Variants in GLT6D1 observed in about 807,000 individuals in gnomAD.
GLT6D1 encodes putative glycosyltransferase 6 domain-containing protein 1.
In GLT6D1, 9 loss-of-function variants were observed where a neutral mutation model predicts 12.3. That is an observed-to-expected ratio of 0.73 (90% CI 0.44 to 1.27). The LOEUF (loss-of-function observed/expected upper bound fraction) is 1.27. GLT6D1 is among the 50% of genes most tolerant of loss of function. The pLI, the probability that GLT6D1 is intolerant of heterozygous loss-of-function variation, is 0.00. For synonymous variants in GLT6D1, 128 were observed against 132.3 expected (o/e 0.97, Z 0.23); for missense variants, 335 against 346.2 (o/e 0.97, Z 0.26).
At chr9:135,634,371 G>A (rs564539703) in intron 2 of GLT6D1, among the ~76,000 whole-genome samples, 3 of 144,228 alleles carry the variant, frequency 2.1e-5, no homozygotes, top group African/African-American at 2.6e-5. Flanking sequence ...CAAGTGATCC[G>A]CCCGCCTCTG....
intron 2 of GLT6D1, among the ~76,000 whole-genome samples, chr9:135,635,235 G>A (rs548317956): frequency 2.0e-5 from 3 of 152,242 alleles, no homozygotes; most frequent in East Asian, 1.9e-4. Flanking sequence ...TGCTCAAAAG[G>A]CTTCAGCTTT....
chr9:135,636,918 TCTC>T (rs1292213916), intron 2 of GLT6D1, among the ~76,000 whole-genome samples: 4 of 152,094 alleles, frequency 2.6e-5, no homozygotes, highest in African/African-American at 9.7e-5. Flanking sequence ...GATGGCGTGA[TCTC>T]AGCTCACCGC....
intron 2 of GLT6D1, among the ~76,000 whole-genome samples, chr9:135,634,415 AC>A (rs1385738705): frequency 2.3e-5 from 3 of 132,514 alleles, no homozygotes; most frequent in Non-Finnish European, 4.7e-5. Context: ...GGCGTAAGCC[AC>A]CATGCCTGGC....
At chr9:135,633,535 A>G (rs946861598) in intron 2 of GLT6D1, among the ~76,000 whole-genome samples, 9 of 152,174 alleles carry the variant, frequency 5.9e-5, no homozygotes, top group Admixed American at 2.6e-4. Flanking sequence ...GACTACAGGT[A>G]TGAGCTACCA....
Position 135,624,271 on chromosome 9 carries a change from C to T in GLT6D1, c.657G>A (p.Pro219=), listed in dbSNP as rs201383603. The change falls in exon 5 of 5, where the codon CCG becomes CCA. Residue 219 remains proline, a synonymous_variant. Coordinates refer to ENST00000371763, the MANE Select transcript of GLT6D1 (RefSeq NM_182974.3). ...ERRPTSAACI[P]FGQGDFYYGN... ...CATAATAGAAATCTCCCTGTCCAAA[C>T]GGGATGCAAGCTGCTGAGGTCGGCC... 2.3e-5 allele frequency: 37 copies of T among 1,603,862 alleles called. 1 individual carries two copies. The highest frequency in any genetic ancestry group is 4.5e-5 in the South Asian group (4 of 89,144).
chr9:135,640,505 G>A (rs746581065), upstream of GLT6D1, among the ~76,000 whole-genome samples: 1 of 152,034 alleles, frequency 6.6e-6, no homozygotes, highest in African/African-American at 2.4e-5. Flanking sequence ...AGGATCACGA[G>A]GTCAGGAGTT....
intron 4 of GLT6D1, among the ~76,000 whole-genome samples, chr9:135,625,374 T>C (rs1320828177): frequency 1.3e-5 from 2 of 152,144 alleles, no homozygotes; most frequent in South Asian, 4.1e-4. Context: ...ATCGTGTCTA[T>C]AGTAGACCAT....
intron 2 of GLT6D1, among the ~76,000 whole-genome samples, chr9:135,635,966 ATTG>A (rs1423935875): frequency 6.7e-6 from 1 of 150,226 alleles, no homozygotes; most frequent in Non-Finnish European, 1.5e-5. Context: ...CAGCAGCAGA[ATTG>A]TTAACTCATA....
chr9:135,629,777 C>A (rs867175570), intron 3 of GLT6D1, among the ~76,000 whole-genome samples: 3 of 152,108 alleles, frequency 2.0e-5, no homozygotes, highest in African/African-American at 7.2e-5. Flanking sequence ...TTATTAGATG[C>A]AAATGTTTAT....
At chr9:135,639,842 C>T (rs1340542834), upstream of GLT6D1, among the ~76,000 whole-genome samples, 3 of 126,816 alleles carry the variant, frequency 2.4e-5, no homozygotes, top group Non-Finnish European at 5.1e-5. Flanking sequence ...CTGATTTTCA[C>T]TTTTTTTTTT....
chr9:135,624,737 T>TC lies in GLT6D1; in HGVS notation c.258-68_258-67insG, dbSNP rs1833461812. 6 of 706,174 alleles carry TC rather than the reference T, an allele frequency of 8.5e-6. No individual in the cohort carries two copies. The Admixed American group carries it at 1.5e-4, about 18-fold the overall frequency. The allele number at this position is 706,174 out of a possible 1,614,324, so 43.7% of individuals were successfully genotyped here. A position where few individuals can be genotyped will look rare whatever the true frequency, so the allele number is the denominator to read the frequency against. On this transcript the variant is annotated intron_variant, in intron 4 of 4. Transcript: ENST00000371763. ...TTTCTTTTCTTTCTTTTTTTTTTTT[T>TC]TTTTTTTTTTGAGATGGAGTCTCCC...
At chr9:135,630,264 G>C (rs1036143465) in intron 3 of GLT6D1, among the ~76,000 whole-genome samples, 1 of 151,902 alleles carries the variant, frequency 6.6e-6, no homozygotes, top group African/African-American at 2.4e-5. Context: ...AAATTAGCCA[G>C]GCGTGGTGGC....
chr9:135,624,855 A>G (rs539639259), intron 4 of GLT6D1, among the ~76,000 whole-genome samples, 185 bp from the exon 5 acceptor site: 34 of 146,356 alleles, frequency 2.3e-4, no homozygotes, highest in African/African-American at 8.4e-4. Context: ...TCAGCCTCCC[A>G]AGTAGCTGGG....
rs1833423175 is a variant in GLT6D1, at chr9:135,624,102, T to C, written c.826A>G (p.Thr276Ala). Residue 276 changes from threonine (T) to alanine (A), a missense_variant, in exon 5 of 5, where the codon ACC becomes GCC. By Grantham distance (58) the Thr-to-Ala change is moderately conservative. Transcript: ENST00000371763. ...CTGTATGCTGGTGATAACAGCTAGG[T>C]GGGTTTATTGAGGTAAAAATATTTG... ...LNKYFYLNKP[T>A] The C allele has an allele frequency of 6.2e-7, 1 of 1,603,196 alleles. No homozygotes were observed. The highest frequency in any genetic ancestry group is 1.3e-5 in the African/African-American group (1 of 74,738).
chr9:135,626,329 A>G, intron 3 of GLT6D1, 123 bp from the exon 4 acceptor site: 1 of 1,028,658 alleles, frequency 9.7e-7, no homozygotes, highest in Non-Finnish European at 1.4e-6. Flanking sequence ...GTTTGAGTGC[A>G]TCATCCCACT....
chr9:135,625,040 C>T (rs563602247), intron 4 of GLT6D1, among the ~76,000 whole-genome samples: 7 of 152,048 alleles, frequency 4.6e-5, no homozygotes, highest in African/African-American at 7.2e-5. Flanking sequence ...CCACTGTGCC[C>T]GGCCGACACT....
At chr9:135,638,448 C>T (rs974940429) in intron 2 of GLT6D1, among the ~76,000 whole-genome samples, 1 of 152,122 alleles carries the variant, frequency 6.6e-6, no homozygotes, top group African/African-American at 2.4e-5. Context: ...AAGATGGAAC[C>T]TTTAGTATTA....
At chr9:135,636,871 G>T (rs1833787503) in intron 2 of GLT6D1, among the ~76,000 whole-genome samples, 1 of 151,824 alleles carries the variant, frequency 6.6e-6, no homozygotes, top group Non-Finnish European at 1.5e-5. Context: ...TTTTTTGGGG[G>T]GATGGAGTTT....
At chr9:135,624,886 C>A (rs187917605) in intron 4 of GLT6D1, among the ~76,000 whole-genome samples, 11 of 145,286 alleles carry the variant, frequency 7.6e-5, no homozygotes, top group Admixed American at 2.8e-4. Context: ...CCTGCCACCA[C>A]GCCCAGGTAA....
Sources: allele counts gnomAD v4.1 joint callset (sites outside exome capture counted in the v4.1 genomes callset), GRCh38; gene constraint gnomAD v4.1.1; transcripts MANE v1.5; gene names NCBI Gene and HGNC (gene_info 2026-07-23, HGNC 2026-07-21).